Variants in GABRG2 observed in about 807,000 individuals in gnomAD.
The protein encoded by GABRG2 is gamma-aminobutyric acid type A receptor subunit gamma2, also known as gamma-aminobutyric acid receptor subunit gamma-2.
Under a neutral mutation model 56.4 loss-of-function variants are expected in GABRG2, and 16 were observed. The observed-to-expected ratio is 0.28, with a 90% confidence interval of 0.19 to 0.43. The LOEUF (loss-of-function observed/expected upper bound fraction) is 0.43, where lower values mean the gene tolerates loss of function less well. GABRG2 is among the 20% of genes least tolerant of loss of function. The pLI is 1.00. For synonymous variants in GABRG2, 208 were observed against 205.5 expected (o/e 1.01, Z -0.10); for missense variants, 327 against 582.7 (o/e 0.56, Z 4.52).
chr5:162,122,634 A>G (rs1387887633), intron 6 of GABRG2, among the ~76,000 whole-genome samples: 3 of 151,762 alleles, frequency 2.0e-5, no homozygotes, highest in Non-Finnish European at 4.4e-5. Flanking sequence ...TTGTCTTGAA[A>G]TATAATTTTA....
At chr5:162,090,561 T>C (rs1760492860) in intron 1 of GABRG2, among the ~76,000 whole-genome samples, 1 of 152,144 alleles carries the variant, frequency 6.6e-6, no homozygotes, top group African/African-American at 2.4e-5. Context: ...GGTGATTTTC[T>C]AACCATGAAT....
intron 9 of GABRG2, chr5:162,152,561 A>G (rs1316230865): frequency 3.0e-6 from 1 of 338,978 alleles, no homozygotes; most frequent in Admixed American, 3.4e-5. Flanking sequence ...AACATAAGCC[A>G]TACCATTGTG....
In GABRG2 at chr5:162,110,754, T is replaced by A. The variant is rs187023437; in HGVS notation, c.769+6728T>A. 9.2e-5 allele frequency among the ~76,000 whole-genome samples: 14 copies of A among 152,222 alleles called. No homozygotes were observed. The South Asian group carries it at 1.5e-3, about 16-fold the overall frequency. ...CTTGTTACTCCTGAGTCTCAGTGAG[T>A]TGTGAGCCTATTTTTAGTCAATACT... On this transcript the variant is annotated intron_variant, in intron 6 of 9. Transcript: ENST00000639213.
At chr5:162,086,075 A>C (rs565150045) in intron 1 of GABRG2, among the ~76,000 whole-genome samples, 1 of 151,948 alleles carries the variant, frequency 6.6e-6, no homozygotes, top group South Asian at 2.1e-4. Context: ...TTATGGTCTA[A>C]AAAATATTTT....
intron 6 of GABRG2, among the ~76,000 whole-genome samples, chr5:162,121,034 TCTTA>T (rs1762946646): frequency 6.6e-6 from 1 of 152,146 alleles, no homozygotes; most frequent in Admixed American, 6.6e-5. Flanking sequence ...AAGTTTAAAT[TCTTA>T]CTTATTCATG....
At chr5:162,096,154 A>G (rs1324956069) in intron 3 of GABRG2, among the ~76,000 whole-genome samples, 1 of 152,030 alleles carries the variant, frequency 6.6e-6, no homozygotes, top group Non-Finnish European at 1.5e-5. Context: ...TTACCAAGCT[A>G]GCAATAAAGA....
chr5:162,105,100 T>A (rs1761702511), intron 6 of GABRG2, among the ~76,000 whole-genome samples: 3 of 152,202 alleles, frequency 2.0e-5, no homozygotes, highest in Admixed American at 6.5e-5. Context: ...AAACACCTGA[T>A]TATTTTCTAG....
At chr5:162,124,904 G>A (rs1475596720) in intron 6 of GABRG2, among the ~76,000 whole-genome samples, 2 of 151,282 alleles carry the variant, frequency 1.3e-5, no homozygotes, top group African/African-American at 4.9e-5. Context: ...ACACATAAGA[G>A]CAGTCTCAAA....
chr5:162,088,653 T>A (rs1017391356), intron 1 of GABRG2, among the ~76,000 whole-genome samples: 1 of 152,142 alleles, frequency 6.6e-6, no homozygotes, highest in African/African-American at 2.4e-5. Context: ...TTTTGGATGA[T>A]CTTATTGTTT....
intron 1 of GABRG2, among the ~76,000 whole-genome samples, chr5:162,077,995 T>G (rs2113165383): frequency 6.6e-6 from 1 of 152,052 alleles, no homozygotes; most frequent in South Asian, 2.1e-4. Flanking sequence ...TACAAGAAAG[T>G]GTCAAAAATT....
chr5:162,152,404 T>G (rs1340708939), intron 9 of GABRG2: 1 of 447,288 alleles, frequency 2.2e-6, no homozygotes, highest in Non-Finnish European at 4.4e-6. Context: ...ATCATTTAGT[T>G]GCATAGAAAT....
At chr5:162,140,202 T>C (rs1314269159) in intron 6 of GABRG2, among the ~76,000 whole-genome samples, 2 of 152,240 alleles carry the variant, frequency 1.3e-5, no homozygotes, top group East Asian at 1.9e-4. Context: ...TTGCTACTTA[T>C]TGATCTCTGG....
chr5:162,071,148 T>G (rs1352951574), intron 1 of GABRG2, among the ~76,000 whole-genome samples: 1 of 151,550 alleles, frequency 6.6e-6, no homozygotes, highest in Non-Finnish European at 1.5e-5. Context: ...CATATATAAA[T>G]GTGTATGTGA....
In GABRG2 at chr5:162,154,029, T is replaced by A. The variant is rs424740; in HGVS notation, c.*661T>A. 68,598 of 152,596 alleles carry A rather than the reference T, an allele frequency of 0.45. 16,102 individuals carry two copies. The highest frequency in any genetic ancestry group is 0.68 in the East Asian group (3,490 of 5,160). 9.5% of individuals were successfully genotyped at this position (152,596 alleles called of 1,614,324 possible). A position where few individuals can be genotyped will look rare whatever the true frequency, so the allele number is the denominator to read the frequency against. The stretch of plus-strand genomic sequence containing the variant: ...TTTTGTGTCCTTGGGCTATAAAAGA[T>A]TCCTGAATGTAATTATAAGGATTTG... On this transcript the variant is annotated 3_prime_UTR_variant, in exon 10 of 10. Coordinates refer to ENST00000639213, the MANE Select transcript of GABRG2 (RefSeq NM_198904.4).
chr5:162,142,882 T>C (rs1764685485), intron 7 of GABRG2: 1 of 145,090 alleles, frequency 6.9e-6, no homozygotes, highest in Non-Finnish European at 1.5e-5. Flanking sequence ...ACATGTACCC[T>C]AAAACTTAAA....
intron 6 of GABRG2, among the ~76,000 whole-genome samples, chr5:162,135,628 A>G (rs918475551): frequency 1.3e-5 from 2 of 152,218 alleles, no homozygotes; most frequent in African/African-American, 2.4e-5. Context: ...AGCTCTTACT[A>G]TGATGTCTTA....
chr5:162,130,585 G>A (rs551278611), intron 6 of GABRG2, among the ~76,000 whole-genome samples: 4 of 151,854 alleles, frequency 2.6e-5, no homozygotes, highest in East Asian at 1.9e-4. Flanking sequence ...CTACTAATAC[G>A]CTTATTTCTC....
intron 6 of GABRG2, among the ~76,000 whole-genome samples, chr5:162,131,709 C>T (rs1321226613): frequency 2.0e-5 from 3 of 151,802 alleles, no homozygotes; most frequent in Non-Finnish European, 4.4e-5. Flanking sequence ...ACTATCAATC[C>T]ACAAGATAGC....
chr5:162,083,321 A>G (rs1346077835), intron 1 of GABRG2, among the ~76,000 whole-genome samples: 1 of 151,816 alleles, frequency 6.6e-6, no homozygotes, highest in Middle Eastern at 3.2e-3. Context: ...AAATGATTCT[A>G]AATCTGAGAC....
Sources: allele counts gnomAD v4.1 joint callset (sites outside exome capture counted in the v4.1 genomes callset), GRCh38; gene constraint gnomAD v4.1.1; transcripts MANE v1.5; gene names NCBI Gene and HGNC (gene_info 2026-07-23, HGNC 2026-07-21).